TBX19: variants seen among roughly 807,000 people sequenced by gnomAD.
TBX19 encodes T-box transcription factor TBX19.
TBX19 carries 33 observed loss-of-function variants against 40.9 expected under a neutral mutation model. The ratio of observed to expected loss-of-function variants is 0.81; its 90% confidence interval spans 0.61 to 1.08. The LOEUF is 1.08. Ranked by LOEUF, TBX19 falls within the 50% of genes least tolerant of loss-of-function variation. TBX19 has a pLI of 0.00. For synonymous variants in TBX19, 220 were observed against 225.0 expected (o/e 0.98, Z 0.20); for missense variants, 494 against 574.0 (o/e 0.86, Z 1.42).
At chr1:168,312,477 C>T (rs185075893) in intron 7 of TBX19, among the ~76,000 whole-genome samples, 2 of 152,284 alleles carry the variant, frequency 1.3e-5, no homozygotes, top group Non-Finnish European at 2.9e-5. Context: ...CGCTGGTGGC[C>T]GGGCCAGTAC....
chr1:168,301,994 T>C (rs1260558909), intron 5 of TBX19, among the ~76,000 whole-genome samples: 1 of 152,232 alleles, frequency 6.6e-6, no homozygotes, highest in Non-Finnish European at 1.5e-5. Flanking sequence ...CTGAGCTGTT[T>C]TTCTTTTATC....
chr1:168,290,893 T>C (rs1312071983), intron 1 of TBX19, among the ~76,000 whole-genome samples: 1 of 152,202 alleles, frequency 6.6e-6, no homozygotes, highest in East Asian at 1.9e-4. Context: ...ATTTGATACA[T>C]CTTGGGCTTC....
Position 168,294,655 on chromosome 1 carries a change from C to G in TBX19, c.603+1377C>G, listed in dbSNP as rs2284768. ...TAGCTGGGACTACAGACATGCACCA[C>G]CACTCCTGGGTAATTTTTGTATTTT... is the stretch of plus-strand genomic sequence containing the variant. On this transcript the variant is annotated intron_variant, in intron 3 of 7. Transcript: ENST00000367821. Among the ~76,000 whole-genome samples the G allele has an allele frequency of 3.1e-3, 466 of 152,222 alleles. 3 individuals are homozygous for G. The highest frequency in any genetic ancestry group is 0.025 in the East Asian group (127 of 5,172).
Position 168,297,571 on chromosome 1 carries a change from C to T in TBX19, c.604-153C>T. On this transcript the variant is annotated intron_variant, in intron 3 of 7. Coordinates refer to ENST00000367821, the MANE Select transcript of TBX19 (RefSeq NM_005149.3). Reference sequence around the variant, plus strand: ...AAAGATGGAAAGGGCCTCTGCCTCTCAGAGTGCTGGGATTACAGGCATAAG... The same window carrying T: ...AAAGATGGAAAGGGCCTCTGCCTCTTAGAGTGCTGGGATTACAGGCATAAG... 4.1e-6 allele frequency: 3 copies of T among 731,820 alleles called. No individual in the cohort carries two copies. In the South Asian group the frequency reaches 4.5e-5, roughly 11 times the overall value. 45.3% of individuals were successfully genotyped at this position (731,820 alleles called of 1,614,324 possible).
intron 5 of TBX19, among the ~76,000 whole-genome samples, chr1:168,304,266 G>A (rs1465682076): frequency 1.3e-5 from 2 of 152,188 alleles, no homozygotes; most frequent in Non-Finnish European, 2.9e-5. Flanking sequence ...CAATTTCAGG[G>A]AAGAAGTGGG....
rs560561111 is a variant in TBX19 at position 168,310,813 on chromosome 1, A to C, written c.1053-1895A>C. On this transcript the variant is annotated intron_variant, in intron 7 of 7. Coordinates refer to ENST00000367821, the MANE Select transcript of TBX19 (RefSeq NM_005149.3). ...AAAAATATATATTTTAATATCTATA[A>C]AATATATATTAAAAATATATAAATA... Among the ~76,000 whole-genome samples the C allele has an allele frequency of 4.3e-3, 637 of 146,796 alleles. 3 individuals are homozygous for C. The highest frequency in any genetic ancestry group is 0.015 in the African/African-American group (594 of 40,678).
chr1:168,296,712 CAT>C (rs1240597725), intron 3 of TBX19, among the ~76,000 whole-genome samples: 3 of 152,090 alleles, frequency 2.0e-5, no homozygotes, highest in Admixed American at 6.6e-5. Context: ...TCCTTGCTGA[CAT>C]AAATATTCTG....
intron 1 of TBX19, among the ~76,000 whole-genome samples, chr1:168,281,777 A>G (rs1019621303): frequency 7.9e-5 from 12 of 152,238 alleles, no homozygotes; most frequent in East Asian, 3.8e-4. Flanking sequence ...CTCATTGCCT[A>G]TCACTTCATC....
intron 5 of TBX19, among the ~76,000 whole-genome samples, chr1:168,300,890 T>A (rs1477281126): frequency 6.6e-6 from 1 of 152,218 alleles, no homozygotes; most frequent in African/African-American, 2.4e-5. Flanking sequence ...CAATGTGTCA[T>A]GCAGGCTGTA....
At chr1:168,282,243 G>A (rs367748412) in intron 1 of TBX19, among the ~76,000 whole-genome samples, 2 of 152,104 alleles carry the variant, frequency 1.3e-5, no homozygotes, top group Non-Finnish European at 1.5e-5. Flanking sequence ...GAGAAGAGCC[G>A]AGGCCATCTG....
intron 1 of TBX19, among the ~76,000 whole-genome samples, chr1:168,284,229 G>A (rs1370228014): frequency 6.6e-6 from 1 of 151,802 alleles, no homozygotes; most frequent in African/African-American, 2.4e-5. Context: ...TAGTCCTTTA[G>A]ATATAACAGT....
At chr1:168,307,268 C>A (rs1040032908) in intron 6 of TBX19, among the ~76,000 whole-genome samples, 10 of 152,092 alleles carry the variant, frequency 6.6e-5, no homozygotes, top group Non-Finnish European at 1.0e-4. Context: ...AATTTATAAG[C>A]AATAGACCTT....
chr1:168,295,652 A>T (rs143134841), intron 3 of TBX19, among the ~76,000 whole-genome samples: 361 of 152,358 alleles, frequency 2.4e-3, no homozygotes, highest in Middle Eastern at 0.02. Context: ...TCTTTCGATG[A>T]TAAAGTAATT....
chr1:168,281,346 A>G (rs1314536474), intron 1 of TBX19, 53 bp downstream of exon 1: 1 of 1,542,706 alleles, frequency 6.5e-7, no homozygotes, highest in Non-Finnish European at 9.0e-7. Flanking sequence ...AGGAGAGATG[A>G]GACCCCTTGA....
chr1:168,282,530 CTT>C (rs1410213040), intron 1 of TBX19, among the ~76,000 whole-genome samples: 1 of 152,162 alleles, frequency 6.6e-6, no homozygotes, highest in Non-Finnish European at 1.5e-5. Flanking sequence ...GGGTTCCACA[CTT>C]ATTTCATATA....
intron 7 of TBX19, among the ~76,000 whole-genome samples, chr1:168,309,929 A>G (rs1388772756): frequency 6.6e-6 from 1 of 152,216 alleles, no homozygotes; most frequent in Non-Finnish European, 1.5e-5. Flanking sequence ...AAGCAGTAAC[A>G]TTCTGTGTAA....
chr1:168,292,118 T>C (rs1648956614), intron 2 of TBX19, among the ~76,000 whole-genome samples: 1 of 152,192 alleles, frequency 6.6e-6, no homozygotes, highest in Non-Finnish European at 1.5e-5. Flanking sequence ...GATTCTTCTC[T>C]TTCCCACCTG....
chr1:168,291,438 GGGCAGGCC>G lies in TBX19; in HGVS notation c.468+15_468+22del, dbSNP rs1322127719. ...GGAGGCGGGCAGGTACGAATGAGGCGGGCAGGCCTGGCCACCCGCTCCGGCCTCCCCAC... is the reference window on the plus strand; with the variant it reads ...GGAGGCGGGCAGGTACGAATGAGGCGTGGCCACCCGCTCCGGCCTCCCCAC... On this transcript the variant is annotated intron_variant, in intron 2 of 7. Coordinates refer to ENST00000367821, the MANE Select transcript of TBX19 (RefSeq NM_005149.3). The G allele has an allele frequency of 1.9e-6, 3 of 1,613,948 alleles. No homozygotes were observed. Among genetic ancestry groups the G allele is most frequent in the Non-Finnish European group, 2.5e-6 (3 of 1,180,048 alleles).
At chr1:168,303,338 A>G (rs1299283997) in intron 5 of TBX19, among the ~76,000 whole-genome samples, 1 of 152,092 alleles carries the variant, frequency 6.6e-6, no homozygotes, top group Admixed American at 6.6e-5. Context: ...GATGGTTTCC[A>G]CCTTCATCCA....
Sources: allele counts gnomAD v4.1 joint callset (sites outside exome capture counted in the v4.1 genomes callset), GRCh38; gene constraint gnomAD v4.1.1; transcripts MANE v1.5; gene names NCBI Gene and HGNC (gene_info 2026-07-23, HGNC 2026-07-21).